Variants in ANGPTL7 observed in about 807,000 individuals in gnomAD.
ANGPTL7 encodes the protein angiopoietin-related protein 7.
In ANGPTL7, 37 loss-of-function variants were observed where a neutral mutation model predicts 38.8. That is an observed-to-expected ratio of 0.95 (90% CI 0.73 to 1.25). The LOEUF is 1.25. Ranked by LOEUF, ANGPTL7 falls within the 50% of genes most tolerant of loss-of-function variation. ANGPTL7 has a pLI of 0.00. For synonymous variants in ANGPTL7, 166 were observed against 163.2 expected, an observed-to-expected ratio of 1.02 and a Z score of -0.13; for missense variants, 427 against 438.6, an observed-to-expected ratio of 0.97 and a Z score of 0.24.
intron 1 of ANGPTL7, among the ~76,000 whole-genome samples, chr1:11,191,635 A>G (rs147809749): frequency 3.5e-4 from 54 of 152,286 alleles, no homozygotes; most frequent in African/African-American, 1.3e-3. Context: ...GCCCTAGAGT[A>G]AAAAAACTGG....
Position 11,195,210 on chromosome 1 carries a change from G to A in ANGPTL7, c.*187G>A. 3.0e-6 allele frequency: 2 copies of A among 674,044 alleles called. No homozygotes were observed. Among genetic ancestry groups the A allele is most frequent in the Non-Finnish European group, 4.9e-6 (2 of 410,406 alleles). The allele number at this position is 674,044 out of a possible 1,614,324, so 41.8% of individuals were successfully genotyped here. On this transcript the variant is annotated 3_prime_UTR_variant, in exon 5 of 5. Transcript: ENST00000376819. ...GTACCAAGGATGTTACAGTAAACAG[G>A]ATGAACTATTTAAACCCACTGGGTC... is the stretch of plus-strand genomic sequence containing the variant.
At chr1:11,193,310 C>T (rs1323194428) in intron 2 of ANGPTL7, among the ~76,000 whole-genome samples, 1 of 142,038 alleles carries the variant, frequency 7.0e-6, no homozygotes, top group African/African-American at 2.6e-5. Context: ...AATTCTGCTT[C>T]AAAAAAAAAA....
At position 11,189,873 on chromosome 1, in the gene ANGPTL7, T is replaced by C. The variant is rs781303690; in HGVS notation, c.294T>C (p.Ala98=). The C allele has an allele frequency of 6.2e-7, 1 of 1,614,154 alleles. No individual in the cohort carries two copies. Among genetic ancestry groups the C allele is most frequent in the Non-Finnish European group, 8.5e-7 (1 of 1,180,026 alleles). The change falls in exon 1 of 5, where the codon GCT becomes GCC. Residue 98 remains alanine (A), a synonymous_variant. Transcript: ENST00000376819. ...SKRMESRLTD[A]ESKYSEMNNQ... is the part of the protein sequence containing the mutation. The stretch of plus-strand genomic sequence containing the variant: ...GCATGGAGTCGCGGCTCACAGATGC[T>C]GAGAGCAAGTACTCCGAGATGAACA...
chr1:11,191,071 AG>A (rs1343334294), intron 1 of ANGPTL7, among the ~76,000 whole-genome samples: 1 of 152,222 alleles, frequency 6.6e-6, no homozygotes, highest in Non-Finnish European at 1.5e-5. Flanking sequence ...AGATGAAACC[AG>A]ACATGCGGAA....
At chr1:11,194,076 G>C (rs949870172) in intron 3 of ANGPTL7, among the ~76,000 whole-genome samples, 4 of 152,136 alleles carry the variant, frequency 2.6e-5, no homozygotes, top group Admixed American at 1.3e-4. Flanking sequence ...CCGAGCATGA[G>C]GTCCTTTAGG....
At chr1:11,193,508 T>C (rs1645633146) in intron 2 of ANGPTL7, 72 bp from the exon 3 acceptor site, 1 of 1,401,528 alleles carries the variant, frequency 7.1e-7, no homozygotes, top group Admixed American at 2.3e-5. Flanking sequence ...AGGAACAGGT[T>C]GGGAAGCCTG....
intron 1 of ANGPTL7, among the ~76,000 whole-genome samples, chr1:11,191,538 T>C (rs1342190388): frequency 6.6e-6 from 1 of 152,096 alleles, no homozygotes; most frequent in Non-Finnish European, 1.5e-5. Context: ...AGTCTCTGAA[T>C]CCTATCAGAA....
chr1:11,190,161 T>A (rs1041076734), intron 1 of ANGPTL7, among the ~76,000 whole-genome samples: 3 of 152,222 alleles, frequency 2.0e-5, no homozygotes, highest in African/African-American at 7.2e-5. Flanking sequence ...ATCCACACAG[T>A]GTTTCAGCCT....
In ANGPTL7 at chr1:11,194,677, C is replaced by T. The variant is rs112845751; in HGVS notation, c.871+18C>T. 1.5e-3 allele frequency: 2,493 copies of T among 1,613,814 alleles called. 3 individuals are homozygous for T. Among genetic ancestry groups the T allele is most frequent in the Non-Finnish European group, 2.0e-3 (2,346 of 1,179,908 alleles). On this transcript the variant is annotated intron_variant, in intron 4 of 4. Coordinates refer to ENST00000376819, the MANE Select transcript of ANGPTL7 (RefSeq NM_021146.4). The stretch of plus-strand genomic sequence containing the variant: ...CCGCAAAGGTGAGATTTGGGGGGAC[C>T]GGAAAGGAGAAGTTCAGGTACAAGC...
At chr1:11,194,349 T>G (rs946978818) in intron 3 of ANGPTL7, 112 bp from the exon 4 acceptor site, 1 of 984,572 alleles carries the variant, frequency 1.0e-6, no homozygotes. Context: ...CTTATTAGAT[T>G]CACACCTATA....
chr1:11,194,850 C>G lies in ANGPTL7; in HGVS notation c.872-4C>G. On this transcript the variant is annotated splice_polypyrimidine_tract_variant and splice_region_variant and intron_variant, in intron 4 of 4. Coordinates refer to ENST00000376819, the MANE Select transcript of ANGPTL7 (RefSeq NM_021146.4). ...ACTAGCACTGGGTCTGTTTCTCATG[C>G]CAGGTGGCTACTGGTACAACTGCTG... 6.2e-7 allele frequency: 1 copy of G among 1,613,730 alleles called. No homozygotes were observed. Among genetic ancestry groups the G allele is most frequent in the Non-Finnish European group, 8.5e-7 (1 of 1,179,782 alleles).
chr1:11,190,498 C>T (rs1195240491), intron 1 of ANGPTL7, among the ~76,000 whole-genome samples: 1 of 152,142 alleles, frequency 6.6e-6, no homozygotes, highest in Non-Finnish European at 1.5e-5. Flanking sequence ...TGAAGAGTCC[C>T]TTTGTGTTCA....
intron 4 of ANGPTL7, 93 bp from the exon 5 acceptor site, chr1:11,194,761 T>C: frequency 6.3e-7 from 1 of 1,597,078 alleles, no homozygotes; most frequent in Non-Finnish European, 8.6e-7. Context: ...TATTCCGGTT[T>C]TGGTATTCTT....
intron 3 of ANGPTL7, 40 bp from the exon 4 acceptor site, chr1:11,194,421 G>A (rs1645693658): frequency 1.3e-6 from 2 of 1,597,060 alleles, no homozygotes; most frequent in East Asian, 2.2e-5. Context: ...ATGAAATGGA[G>A]CCTGCTGCAC....
chr1:11,193,395 C>T (rs1025238069), intron 2 of ANGPTL7, among the ~76,000 whole-genome samples, 185 bp from the exon 3 acceptor site: 3 of 152,122 alleles, frequency 2.0e-5, no homozygotes, highest in African/African-American at 7.2e-5. Context: ...TCTTCCAGAG[C>T]AATGCACCAC....
rs144848295 is a variant in ANGPTL7 at position 11,194,403 on chromosome 1, G to C, written c.673-58G>C. ...GGACTGTCAGGAGAGAAGGGGTATA[G>C]AGACAGCATGAAATGGAGCCTGCTG... On this transcript the variant is annotated intron_variant, in intron 3 of 4. Coordinates refer to ENST00000376819, the MANE Select transcript of ANGPTL7 (RefSeq NM_021146.4). The C allele has an allele frequency of 3.7e-4, 564 of 1,537,144 alleles. No homozygotes were observed. In the African/African-American group the frequency reaches 7.0e-3, roughly 19 times the overall value.
Position 11,194,780 on chromosome 1 carries a change from T to C in ANGPTL7, c.872-74T>C, listed in dbSNP as rs187022848. On this transcript the variant is annotated intron_variant, in intron 4 of 4. Coordinates refer to ENST00000376819, the MANE Select transcript of ANGPTL7 (RefSeq NM_021146.4). ...CCGGTTTTGGTATTCTTTCTGACCC[T>C]GGCTCTAACTCCTTACCTGATGTCT... 14 of 1,598,632 alleles carry C rather than the reference T, an allele frequency of 8.8e-6. No individual in the cohort carries two copies. The South Asian group carries it at 1.3e-4, about 15-fold the overall frequency.
chr1:11,192,350 C>T lies in ANGPTL7; in HGVS notation c.457C>T (p.Leu153=). 1 of 1,613,590 alleles carries T rather than the reference C, an allele frequency of 6.2e-7. No homozygotes were observed. Among genetic ancestry groups the T allele is most frequent in the Non-Finnish European group, 8.5e-7 (1 of 1,179,592 alleles). Residue 153 remains leucine, a synonymous_variant, in exon 2 of 5, where the codon CTG becomes TTG. Transcript: ENST00000376819. ...GTATAAGCTTCCTCCTGATGACTTCCTGGGCAGCCCTGAACTGGAGGTGAG... is the reference window on the plus strand; with the variant it reads ...GTATAAGCTTCCTCCTGATGACTTCTTGGGCAGCCCTGAACTGGAGGTGAG... ...GVYKLPPDDF[L]GSPELEVFCD... is the part of the protein sequence containing the mutation.
rs1043341108 is a variant in ANGPTL7 at position 11,195,901 on chromosome 1, T to G, written c.*878T>G. 6.6e-6 allele frequency: 1 copy of G among 152,256 alleles called. No homozygotes were observed. Among genetic ancestry groups the G allele is most frequent in the Admixed American group, 6.5e-5 (1 of 15,280 alleles). The allele number at this position is 152,256 out of a possible 1,614,324, so 9.4% of individuals were successfully genotyped here. A position where few individuals can be genotyped will look rare whatever the true frequency, so the allele number is the denominator to read the frequency against. On this transcript the variant is annotated 3_prime_UTR_variant, in exon 5 of 5. Transcript: ENST00000376819. ...AAATGCTGTAAATAAGCATCTCACTTTGTAAAAATAAAATATTGTGGTTTT... is the reference window on the plus strand; with the variant it reads ...AAATGCTGTAAATAAGCATCTCACTGTGTAAAAATAAAATATTGTGGTTTT...
Sources: allele counts gnomAD v4.1 joint callset (sites outside exome capture counted in the v4.1 genomes callset), GRCh38; gene constraint gnomAD v4.1.1; transcripts MANE v1.5; gene names NCBI Gene and HGNC (gene_info 2026-07-23, HGNC 2026-07-21).